The following CADM2 variants were observed in gnomAD, a reference collection of about 807,000 sequenced individuals.
The protein encoded by CADM2 is immunoglobulin superfamily member 4D.
Under a neutral mutation model 49.8 loss-of-function variants are expected in CADM2, and 12 were observed. That is an observed-to-expected ratio of 0.24 (90% CI 0.15 to 0.39). CADM2 has a LOEUF of 0.39. CADM2 is among the 10% of genes least tolerant of loss of function. The pLI, the probability that CADM2 is intolerant of heterozygous loss-of-function variation, is 1.00. For missense variants in CADM2, 378 were observed against 492.3 expected, an observed-to-expected ratio of 0.77 and a Z score of 2.20; for synonymous variants, 214 against 175.4, an observed-to-expected ratio of 1.22 and a Z score of -1.74.
intron 1 of CADM2, among the ~76,000 whole-genome samples, chr3:85,404,195 G>A (rs1160111510): frequency 6.6e-6 from 1 of 152,004 alleles, no homozygotes; most frequent in Non-Finnish European, 1.5e-5. Context: ...AAAATTTATT[G>A]CCAAAATTGT....
At chr3:86,025,586 T>C (rs893295594) in intron 8 of CADM2, among the ~76,000 whole-genome samples, 3 of 152,138 alleles carry the variant, frequency 2.0e-5, no homozygotes, top group African/African-American at 7.2e-5. Context: ...ATAAAATAAA[T>C]TTTTATTACA....
chr3:85,898,954 T>C (rs1416516277), intron 5 of CADM2, among the ~76,000 whole-genome samples: 1 of 55,466 alleles, frequency 1.8e-5, no homozygotes, highest in Non-Finnish European at 3.5e-5. Context: ...TATATATATA[T>C]ATTTTTTTTT....
intron 1 of CADM2, among the ~76,000 whole-genome samples, chr3:85,203,602 T>A (rs1416432457): frequency 1.3e-5 from 2 of 152,144 alleles, no homozygotes; most frequent in Non-Finnish European, 2.9e-5. Context: ...GACAAAGATA[T>A]GAAGTGAGCA....
At chr3:85,415,374 A>G (rs1466647364) in intron 1 of CADM2, among the ~76,000 whole-genome samples, 1 of 151,392 alleles carries the variant, frequency 6.6e-6, no homozygotes, top group South Asian at 2.1e-4. Context: ...TTTAATATAC[A>G]CTCAAAGTGA....
chr3:85,476,788 C>T (rs918297050), intron 1 of CADM2, among the ~76,000 whole-genome samples: 1 of 151,770 alleles, frequency 6.6e-6, no homozygotes, highest in African/African-American at 2.4e-5. Flanking sequence ...CTGAAAAATA[C>T]ACCATGCTAG....
At chr3:85,208,612 G>A (rs1247021884) in intron 1 of CADM2, among the ~76,000 whole-genome samples, 2 of 152,096 alleles carry the variant, frequency 1.3e-5, no homozygotes, top group Non-Finnish European at 2.9e-5. Context: ...TTGAAAGAAA[G>A]CAGTTAAAAT....
intron 1 of CADM2, among the ~76,000 whole-genome samples, chr3:85,258,474 A>G (rs1408757016): frequency 6.6e-6 from 1 of 151,196 alleles, no homozygotes. Context: ...CTCCATAGAG[A>G]TAGACAATAC....
At chr3:85,252,836 G>A (rs528089878) in intron 1 of CADM2, among the ~76,000 whole-genome samples, 70 of 149,254 alleles carry the variant, frequency 4.7e-4, no homozygotes, top group African/African-American at 1.6e-3. Context: ...AGTAGTCCTT[G>A]AATCTGACTG....
chr3:85,541,081 T>C (rs773527147), intron 1 of CADM2, among the ~76,000 whole-genome samples: 7 of 151,658 alleles, frequency 4.6e-5, no homozygotes, highest in Non-Finnish European at 1.0e-4. Flanking sequence ...CAGTCCACAA[T>C]TCAATAAAAT....
At chr3:85,123,040 A>G (rs557409558) in intron 1 of CADM2, among the ~76,000 whole-genome samples, 1 of 152,286 alleles carries the variant, frequency 6.6e-6, no homozygotes, top group East Asian at 1.9e-4. Context: ...GTTTTCCATG[A>G]AAAAGATACA....
At chr3:85,208,248 A>T (rs999980894) in intron 1 of CADM2, among the ~76,000 whole-genome samples, 1 of 152,194 alleles carries the variant, frequency 6.6e-6, no homozygotes, top group African/African-American at 2.4e-5. Context: ...TTTAATTTGA[A>T]GATTTTAAGT....
chr3:85,624,579 C>T (rs1348886395), intron 1 of CADM2, among the ~76,000 whole-genome samples: 2 of 152,040 alleles, frequency 1.3e-5, no homozygotes, highest in African/African-American at 4.8e-5. Flanking sequence ...CATCCACCCG[C>T]CTTGACCTCC....
At chr3:85,363,212 G>T (rs901363903) in intron 1 of CADM2, among the ~76,000 whole-genome samples, 1 of 152,126 alleles carries the variant, frequency 6.6e-6, no homozygotes, top group African/African-American at 2.4e-5. Flanking sequence ...TCCTTGTATA[G>T]AGTTTTACAT....
chr3:85,233,703 C>A (rs2042350399), intron 1 of CADM2, among the ~76,000 whole-genome samples: 5 of 151,918 alleles, frequency 3.3e-5, no homozygotes, highest in African/African-American at 4.8e-5. Context: ...ATTTATTTTT[C>A]TTTTGTTTAT....
intron 5 of CADM2, among the ~76,000 whole-genome samples, chr3:85,894,047 C>A: frequency 6.6e-6 from 1 of 152,284 alleles, no homozygotes; most frequent in Admixed American, 6.5e-5. Flanking sequence ...CACATGCACA[C>A]GTATGTTTAT....
chr3:85,713,275 T>C (rs541315916), intron 1 of CADM2, among the ~76,000 whole-genome samples: 1 of 152,068 alleles, frequency 6.6e-6, no homozygotes, highest in African/African-American at 2.4e-5. Flanking sequence ...TTTTTTTGTA[T>C]TTTTTAGTAG....
chr3:85,440,387 T>C (rs1281449561), intron 1 of CADM2, among the ~76,000 whole-genome samples: 14 of 152,296 alleles, frequency 9.2e-5, no homozygotes, highest in Admixed American at 9.2e-4. Flanking sequence ...GTTAGTAGGT[T>C]GAACTGGGCC....
chr3:85,359,666 A>ATATTTTT, intron 1 of CADM2, among the ~76,000 whole-genome samples: 15 of 26,552 alleles, frequency 5.6e-4, no homozygotes, highest in East Asian at 2.7e-3. Flanking sequence ...ATATATATAT[A>ATATTTTT]TTTTTTTTTT....
intron 1 of CADM2, among the ~76,000 whole-genome samples, chr3:85,358,041 T>C (rs2032019896): frequency 6.6e-6 from 1 of 152,118 alleles, no homozygotes; most frequent in South Asian, 2.1e-4. Context: ...GAAGACCAAG[T>C]TATATCAACT....
Sources: gnomAD v4.1 joint callset for allele counts (sites outside exome capture counted in the v4.1 genomes callset) on GRCh38, gnomAD v4.1.1 for gene constraint, MANE v1.5 for transcripts, NCBI Gene and HGNC (gene_info 2026-07-23, HGNC 2026-07-21) for gene names.